Variants in ARHGAP26 observed in about 807,000 individuals in gnomAD.
The protein encoded by ARHGAP26 is Rho GTPase activating protein 26, also known as rho GTPase-activating protein 26.
Under a neutral mutation model 104.8 loss-of-function variants are expected in ARHGAP26, and 38 were observed. That is an observed-to-expected ratio of 0.36 (90% CI 0.28 to 0.48). ARHGAP26 has a LOEUF of 0.48. Ranked by LOEUF, ARHGAP26 falls within the 20% of genes least tolerant of loss-of-function variation. The pLI is 0.99. For missense variants in ARHGAP26, 704 were observed against 947.9 expected (o/e 0.74, Z 3.38); for synonymous variants, 341 against 340.0 (o/e 1.00, Z -0.03).
At chr5:143,029,866 A>T (rs893365839) in intron 12 of ARHGAP26, among the ~76,000 whole-genome samples, 1 of 152,168 alleles carries the variant, frequency 6.6e-6, no homozygotes, top group African/African-American at 2.4e-5. Context: ...GTTGAATACC[A>T]GCTTTAGGGA....
At chr5:143,127,053 A>T (rs550197394) in intron 18 of ARHGAP26, among the ~76,000 whole-genome samples, 2 of 152,324 alleles carry the variant, frequency 1.3e-5, no homozygotes, top group African/African-American at 4.8e-5. Flanking sequence ...TATTTATTAC[A>T]AGGTTTTCCC....
chr5:142,782,632 G>C (rs1405020465), intron 1 of ARHGAP26, among the ~76,000 whole-genome samples: 2 of 152,196 alleles, frequency 1.3e-5, no homozygotes, highest in Non-Finnish European at 2.9e-5. Flanking sequence ...GAGAGGCTTT[G>C]ATGACTTGAT....
At chr5:143,147,189 T>C (rs1017239148) in intron 19 of ARHGAP26, 42 bp from the exon 20 acceptor site, 2 of 1,600,094 alleles carry the variant, frequency 1.2e-6, no homozygotes, top group Non-Finnish European at 1.7e-6. Context: ...ACTGTCCCTA[T>C]GCAATAATAT....
At chr5:142,914,817 T>C (rs1441628863) in intron 10 of ARHGAP26, among the ~76,000 whole-genome samples, 2 of 152,220 alleles carry the variant, frequency 1.3e-5, no homozygotes, top group Non-Finnish European at 2.9e-5. Flanking sequence ...TTTAAGCATC[T>C]CCCTTCTCTT....
intron 17 of ARHGAP26, among the ~76,000 whole-genome samples, chr5:143,115,404 A>T (rs984969426): frequency 2.6e-5 from 4 of 151,990 alleles, no homozygotes; most frequent in Admixed American, 6.6e-5. Context: ...TTTTCTATAG[A>T]TTCAAAGTAT....
intron 17 of ARHGAP26, among the ~76,000 whole-genome samples, chr5:143,072,980 C>T (rs927230751): frequency 2.0e-4 from 30 of 152,048 alleles, no homozygotes; most frequent in African/African-American, 7.2e-4. Context: ...TTATGTGTAG[C>T]AGAACATCAC....
intron 19 of ARHGAP26, 91 bp downstream of exon 19, chr5:143,134,196 G>A: frequency 7.1e-7 from 1 of 1,410,848 alleles, no homozygotes; most frequent in Non-Finnish European, 9.4e-7. Flanking sequence ...GCTTTTCTCT[G>A]TGTGCTACTG....
At position 142,833,179 on chromosome 5, in the gene ARHGAP26, G is replaced by A. The variant is rs370585435; in HGVS notation, c.155-40221G>A. Among the ~76,000 whole-genome samples the A allele has an allele frequency of 8.6e-5, 13 of 150,410 alleles. No homozygotes were observed. The South Asian group carries it at 2.5e-3, about 29-fold the overall frequency. ...AGCAATTTTCCTGCCTCAGCCTCCC[G>A]AGTAGCTGGGACTACAGGCACCCAC... is the stretch of plus-strand genomic sequence containing the variant. On this transcript the variant is annotated intron_variant, in intron 1 of 22. Transcript: ENST00000645722.
chr5:143,162,284 T>TACACACACAC (rs34577770), intron 20 of ARHGAP26, among the ~76,000 whole-genome samples: 3,571 of 147,402 alleles, frequency 0.024, 61 homozygotes, highest in African/African-American at 0.039. Flanking sequence ...AACACACACA[T>TACACACACAC]ACACACACAC....
At chr5:143,059,797 TA>T (rs1179086721) in intron 17 of ARHGAP26, among the ~76,000 whole-genome samples, 1 of 152,258 alleles carries the variant, frequency 6.6e-6, no homozygotes, top group East Asian at 1.9e-4. Context: ...TTTGATCATT[TA>T]ATTATCAAGA....
At chr5:142,828,030 A>G (rs925101428) in intron 1 of ARHGAP26, among the ~76,000 whole-genome samples, 1 of 152,192 alleles carries the variant, frequency 6.6e-6, no homozygotes, top group African/African-American at 2.4e-5. Flanking sequence ...TAGATGGTTC[A>G]TTCTGGGAAT....
intron 17 of ARHGAP26, among the ~76,000 whole-genome samples, chr5:143,064,959 G>T (rs1787273248): frequency 6.6e-6 from 1 of 152,108 alleles, no homozygotes; most frequent in South Asian, 2.1e-4. Flanking sequence ...TGGGTCTCTT[G>T]TTTGTTTTGA....
At chr5:142,773,871 C>T (rs1299689286) in intron 1 of ARHGAP26, among the ~76,000 whole-genome samples, 2 of 152,180 alleles carry the variant, frequency 1.3e-5, no homozygotes, top group African/African-American at 4.8e-5. Context: ...GTAAGTGGTT[C>T]ATCCTCTTTG....
chr5:143,196,522 A>G (rs1023007923), intron 20 of ARHGAP26, among the ~76,000 whole-genome samples: 2 of 152,126 alleles, frequency 1.3e-5, no homozygotes, highest in African/African-American at 4.8e-5. Flanking sequence ...AAGTCACCTC[A>G]TTTAATATTA....
intron 1 of ARHGAP26, among the ~76,000 whole-genome samples, chr5:142,833,471 A>G (rs920684215): frequency 2.0e-5 from 3 of 152,102 alleles, no homozygotes; most frequent in African/African-American, 4.8e-5. Context: ...TCTTAACTTT[A>G]AACATTTAGA....
intron 1 of ARHGAP26, among the ~76,000 whole-genome samples, chr5:142,780,637 C>T (rs1468622652): frequency 6.6e-6 from 1 of 152,198 alleles, no homozygotes; most frequent in Non-Finnish European, 1.5e-5. Context: ...ACAGCTGTAC[C>T]TAGAAATCAG....
At chr5:143,166,078 T>G (rs970126410) in intron 20 of ARHGAP26, 20 of 1,319,600 alleles carry the variant, frequency 1.5e-5, no homozygotes, top group Admixed American at 7.1e-5. Flanking sequence ...TGCAGAGTCC[T>G]GCTTCGTGAT....
Position 143,214,035 on chromosome 5 carries a change from A to G in ARHGAP26, c.2138A>G (p.Lys713Arg). Residue 713 changes from lysine (K) to arginine (R), a missense_variant, in exon 22 of 23, where the codon AAA (lysine) becomes AGA (arginine). By Grantham distance (26) the Lys-to-Arg change is conservative. Around this residue, in one of 6 missense-constraint regions of ARHGAP26, gnomAD observed 217 missense variants for 242.6 expected, o/e 0.89. Transcript: ENST00000645722. ...FRKAKALYAC[K>R]AEHDSELSFT... ...AAGGCAAAAGCCTTGTATGCCTGCA[A>G]AGCTGAACATGACTCAGAACTTTCG... 1 of 1,590,522 alleles carries G rather than the reference A, an allele frequency of 6.3e-7. No individual in the cohort carries two copies. Among genetic ancestry groups the G allele is most frequent in the Non-Finnish European group, 8.6e-7 (1 of 1,164,982 alleles).
intron 17 of ARHGAP26, among the ~76,000 whole-genome samples, chr5:143,072,089 A>G (rs2150382093): frequency 6.6e-6 from 1 of 152,318 alleles, no homozygotes; most frequent in African/African-American, 2.4e-5. Flanking sequence ...AAAAAATCCC[A>G]ATACAAAATG....
Sources: gnomAD v4.1 joint callset for allele counts (sites outside exome capture counted in the v4.1 genomes callset) on GRCh38, gnomAD v4.1.1 for gene constraint, gnomAD v4.1.1 regional missense constraint, MANE v1.5 for transcripts, NCBI Gene and HGNC (gene_info 2026-07-23, HGNC 2026-07-21) for gene names.